STRADA: variants seen among roughly 807,000 people sequenced by gnomAD.
The protein encoded by STRADA is STE20 related adaptor alpha, also known as STE20-related kinase adapter protein alpha.
STRADA carries 26 observed loss-of-function variants against 55.0 expected under a neutral mutation model. The observed-to-expected ratio is 0.47, with a 90% CI of 0.35 to 0.66. The LOEUF (loss-of-function observed/expected upper bound fraction) is 0.66. STRADA is among the 30% of genes least tolerant of loss of function. The pLI, the probability that STRADA is intolerant of heterozygous loss-of-function variation, is 0.01. For synonymous variants in STRADA, 197 were observed against 210.9 expected (o/e 0.93, Z 0.57); for missense variants, 443 against 549.7 (o/e 0.81, Z 1.94).
chr17:63,711,515 T>C (rs1040956657), intron 6 of STRADA, among the ~76,000 whole-genome samples: 1 of 152,098 alleles, frequency 6.6e-6, no homozygotes, highest in Non-Finnish European at 1.5e-5. Flanking sequence ...CATACCTAGC[T>C]AATTTTTTAT....
At chr17:63,704,232 C>G in intron 11 of STRADA, 109 bp downstream of exon 11, 2 of 1,549,096 alleles carry the variant, frequency 1.3e-6, no homozygotes, top group Non-Finnish European at 1.7e-6. Flanking sequence ...GTGTGTAGCT[C>G]CAGATTCCCC....
In STRADA at chr17:63,740,147, TACACACACACAC is replaced by T. The variant is rs57585655; in HGVS notation, c.-45+1582_-45+1593del. Among the ~76,000 whole-genome samples, 4 of 67,010 alleles carry T rather than the reference TACACACACACAC, an allele frequency of 6.0e-5. 1 individual carries two copies. Among genetic ancestry groups the T allele is most frequent in the Non-Finnish European group, 1.1e-4 (4 of 37,212 alleles). The allele number at this position is 67,010 out of a possible 152,430, so 44.0% of individuals were successfully genotyped here. A position where few individuals can be genotyped will look rare whatever the true frequency, so the allele number is the denominator to read the frequency against. On this transcript the variant is annotated intron_variant, in intron 1 of 12. Transcript: ENST00000336174. ...ATATATACACATACATATATATATATACACACACACACACACACACACACACACACACACACA... is the reference window on the plus strand; with the variant it reads ...ATATATACACATACATATATATATATACACACACACACACACACACACACA...
chr17:63,738,798 A>G (rs2038641410), intron 1 of STRADA, among the ~76,000 whole-genome samples: 1 of 151,424 alleles, frequency 6.6e-6, no homozygotes, highest in Non-Finnish European at 1.5e-5. Flanking sequence ...GTGCTACTGC[A>G]CTCCAGCTTG....
chr17:63,731,869 CT>C (rs906863178), intron 1 of STRADA, among the ~76,000 whole-genome samples: 16 of 152,046 alleles, frequency 1.1e-4, no homozygotes, highest in African/African-American at 3.6e-4. Context: ...TTCTTTCTTT[CT>C]TTTGTTTTTT....
intron 1 of STRADA, among the ~76,000 whole-genome samples, chr17:63,737,128 A>G (rs2038493482): frequency 6.6e-6 from 1 of 151,620 alleles, no homozygotes; most frequent in Non-Finnish European, 1.5e-5. Context: ...ACATGCTTGT[A>G]GTCCCAGCTA....
chr17:63,720,378 C>T (rs1361235179), intron 4 of STRADA, among the ~76,000 whole-genome samples: 1 of 151,920 alleles, frequency 6.6e-6, no homozygotes, highest in South Asian at 2.1e-4. Context: ...CACTATGTTG[C>T]CCAGGCTGGC....
Position 63,713,431 on chromosome 17 carries a change from G to A in STRADA, c.323C>T (p.Ser108Phe). ...CTGCAAGAATGTTACCATCTCATTG[G>A]AACAAGCTTCTAGGTTAATCCTCCG... Reference protein sequence around the residue: ...TVRRINLEACSNEMVTFLQGE... With the variant: ...TVRRINLEACFNEMVTFLQGE... The change falls in exon 6 of 13, where the codon TCC becomes TTC. Residue 108 changes from serine (S) to phenylalanine (F), a missense_variant. Ser to Phe is a radical substitution (Grantham distance 155). Transcript: ENST00000336174. 6.2e-7 allele frequency: 1 copy of A among 1,613,992 alleles called. No homozygotes were observed. Among genetic ancestry groups the A allele is most frequent in the Non-Finnish European group, 8.5e-7 (1 of 1,179,972 alleles).
At chr17:63,740,147 T>C (rs7214994) in intron 1 of STRADA, among the ~76,000 whole-genome samples, 17,059 of 66,632 alleles carry the variant, frequency 0.26, 3,324 homozygotes, top group African/African-American at 0.33. Flanking sequence ...TATATATATA[T>C]ACACACACAC....
chr17:63,725,430 C>T (rs1273652958), intron 3 of STRADA, among the ~76,000 whole-genome samples: 1 of 151,956 alleles, frequency 6.6e-6, no homozygotes, highest in East Asian at 2.0e-4. Flanking sequence ...TGGCTCACTG[C>T]AACCTCCACC....
Position 63,740,151 on chromosome 17 carries a change from C to CATACATATATATAT in STRADA, c.-45+1589_-45+1590insATATATATATGTAT, listed in dbSNP as rs1340895689. ...ATACACATACATATATATATATACA[C>CATACATATATATAT]ACACACACACACACACACACACACA... On this transcript the variant is annotated intron_variant, in intron 1 of 12. Coordinates refer to ENST00000336174, the MANE Select transcript of STRADA (RefSeq NM_001003787.4). Among the ~76,000 whole-genome samples, 385 of 79,636 alleles carry CATACATATATATAT rather than the reference C, an allele frequency of 4.8e-3. 7 individuals are homozygous for CATACATATATATAT. The highest frequency in any genetic ancestry group is 8.4e-3 in the South Asian group (15 of 1,796). The allele number at this position is 79,636 out of a possible 152,430, so 52.2% of individuals were successfully genotyped here.
intron 1 of STRADA, among the ~76,000 whole-genome samples, chr17:63,733,262 T>C (rs1477968241): frequency 6.6e-6 from 1 of 152,218 alleles, no homozygotes; most frequent in Non-Finnish European, 1.5e-5. Context: ...TTTATCAGAC[T>C]CCTCAATGTT....
rs544020586 is a variant in STRADA at position 63,735,702 on chromosome 17, C to T, written c.-45+6039G>A. Reference sequence around the variant, plus strand: ...AAATTTCTAGGAGTTGAAAAGTGGACATAAGGGTGCTGTCTCAGGAAATGG... The same window carrying T: ...AAATTTCTAGGAGTTGAAAAGTGGATATAAGGGTGCTGTCTCAGGAAATGG... On this transcript the variant is annotated intron_variant, in intron 1 of 12. Transcript: ENST00000336174. Among the ~76,000 whole-genome samples the T allele has an allele frequency of 7.2e-5, 11 of 152,240 alleles. 1 individual carries two copies. The South Asian group carries it at 2.3e-3, about 31-fold the overall frequency.
At chr17:63,740,133 TAC>T (rs2038807736) in intron 1 of STRADA, among the ~76,000 whole-genome samples, 1 of 36,820 alleles carries the variant, frequency 2.7e-5, no homozygotes, top group Non-Finnish European at 4.6e-5. Context: ...TATATACACA[TAC>T]ATATATATAT....
intron 7 of STRADA, 22 bp from the exon 8 acceptor site, chr17:63,710,636 A>G: frequency 6.2e-7 from 1 of 1,614,124 alleles, no homozygotes; most frequent in Non-Finnish European, 8.5e-7. Context: ...GATTGCATGG[A>G]GGCAGTGAAA....
At chr17:63,737,787 A>G (rs1162360724) in intron 1 of STRADA, among the ~76,000 whole-genome samples, 1 of 152,092 alleles carries the variant, frequency 6.6e-6, no homozygotes, top group African/African-American at 2.4e-5. Flanking sequence ...AGGTGGGTGG[A>G]TCACTTGAGC....
At chr17:63,710,990 G>C in intron 6 of STRADA, 154 bp from the exon 7 acceptor site, 1 of 652,474 alleles carries the variant, frequency 1.5e-6, no homozygotes, top group Non-Finnish European at 2.6e-6. Flanking sequence ...GCCAACATAG[G>C]AAAAACAAGG....
At position 63,704,424 on chromosome 17, in the gene STRADA, C is replaced by T. The variant is rs746236279; in HGVS notation, c.1017G>A (p.Ser339=). ...TSTPRPSNGD[S]PSHPYHRTFS... ...AGGTTCGGTGGTAGGGGTGGGAGGG[C>T]GAGTCACCGTTGGAGGGCCGGGGGG... The change falls in exon 11 of 13, where the codon TCG becomes TCA. Residue 339 remains serine, a synonymous_variant. Coordinates refer to ENST00000336174, the MANE Select transcript of STRADA (RefSeq NM_001003787.4). 5.6e-6 allele frequency: 9 copies of T among 1,611,178 alleles called. No individual in the cohort carries two copies. Among genetic ancestry groups the T allele is most frequent in the African/African-American group, 2.7e-5 (2 of 74,552 alleles).
At chr17:63,730,953 T>C (rs1163556880) in intron 1 of STRADA, among the ~76,000 whole-genome samples, 2 of 151,660 alleles carry the variant, frequency 1.3e-5, no homozygotes, top group Non-Finnish European at 2.9e-5. Flanking sequence ...TACCCTGATA[T>C]TCTTTTTTTT....
At chr17:63,712,321 C>A (rs1290767481) in intron 6 of STRADA, 1 of 152,222 alleles carries the variant, frequency 6.6e-6, no homozygotes, top group African/African-American at 2.4e-5. Flanking sequence ...AATCTCCCTG[C>A]CTTGCCCTCC....
Sources: allele counts gnomAD v4.1 joint callset (sites outside exome capture counted in the v4.1 genomes callset), GRCh38; gene constraint gnomAD v4.1.1; transcripts MANE v1.5; gene names NCBI Gene and HGNC (gene_info 2026-07-23, HGNC 2026-07-21).